The following GAL3ST2 variants were observed in gnomAD, a reference collection of about 807,000 sequenced individuals.
The protein encoded by GAL3ST2 is galactose-3-O-sulfotransferase 2.
A neutral mutation model predicts 12.9 loss-of-function variants in GAL3ST2; 16 were observed. That is an observed-to-expected ratio of 1.24 (90% CI 0.84 to 1.88). The LOEUF is 1.88. Among genes scored for constraint, GAL3ST2 ranks in the 40% most tolerant of loss-of-function variants. The pLI is 0.00. For missense variants in GAL3ST2, 639 were observed against 571.8 expected, an observed-to-expected ratio of 1.12 and a Z score of -1.20; for synonymous variants, 302 against 273.9, an observed-to-expected ratio of 1.10 and a Z score of -1.01.
intron 1 of GAL3ST2, among the ~76,000 whole-genome samples, chr2:241,785,774 A>G (rs1412434279): frequency 6.6e-6 from 1 of 152,100 alleles, no homozygotes; most frequent in Admixed American, 6.5e-5. Flanking sequence ...AAAAAACAAA[A>G]AACTTTTGCT....
chr2:241,799,138 T>G lies in GAL3ST2; in HGVS notation c.103T>G (p.Leu35Val), dbSNP rs749263868. 1.9e-6 allele frequency: 3 copies of G among 1,613,562 alleles called. No homozygotes were observed. Among genetic ancestry groups the G allele is most frequent in the Non-Finnish European group, 2.5e-6 (3 of 1,179,952 alleles). ...GCTGGCCGGATTCCTGCACTCGGAC[T>G]TAGAGCTGGACACACCGTAAGTCCT... The part of the protein sequence containing the change: ...LLLAGFLHSD[L>V]ELDTPLFGGQ... The change falls in exon 2 of 4, where the codon TTA (leucine) becomes GTA (valine). Residue 35 changes from leucine (L) to valine (V), a missense_variant. Coordinates refer to ENST00000192314, the MANE Select transcript of GAL3ST2 (RefSeq NM_022134.3).
Position 241,793,976 on chromosome 2 carries a change from T to C in GAL3ST2, c.30-5089T>C, listed in dbSNP as rs1013933733. On this transcript the variant is annotated intron_variant, in intron 1 of 3. Transcript: ENST00000192314. The surrounding 1 kb of genome is among the most constrained non-coding windows in gnomAD (Gnocchi z 4.7). The stretch of plus-strand genomic sequence containing the variant: ...TTTGTTTATTTTTTGAGACAGAGAC[T>C]GGCTCTGTGACCCGGGCTAGAGTGT... 3.3e-5 allele frequency among the ~76,000 whole-genome samples: 5 copies of C among 152,198 alleles called. No homozygotes were observed. Among genetic ancestry groups the C allele is most frequent in the African/African-American group, 9.7e-5 (4 of 41,430 alleles).
At chr2:241,789,800 C>T (rs2125192558) in intron 1 of GAL3ST2, among the ~76,000 whole-genome samples, 1 of 151,992 alleles carries the variant, frequency 6.6e-6, no homozygotes, top group African/African-American at 2.4e-5. Flanking sequence ...GCAGAGGTTT[C>T]AGTGTGCCGA....
intron 1 of GAL3ST2, among the ~76,000 whole-genome samples, chr2:241,789,122 A>G (rs1410127550): frequency 1.3e-5 from 2 of 152,200 alleles, no homozygotes; most frequent in Non-Finnish European, 2.9e-5. Context: ...TAGAGTTCTT[A>G]CGTCCCCTTT....
At chr2:241,789,342 T>A (rs1699669351) in intron 1 of GAL3ST2, among the ~76,000 whole-genome samples, 1 of 152,220 alleles carries the variant, frequency 6.6e-6, no homozygotes, top group African/African-American at 2.4e-5. Flanking sequence ...AAGGCCCTTA[T>A]AATAGACTTA....
At position 241,803,782 on chromosome 2, in the gene GAL3ST2, C is replaced by T; in HGVS notation, c.813C>T (p.Arg271=). Residue 271 remains arginine, a synonymous_variant, in exon 4 of 4, where the codon CGC becomes CGT. Coordinates refer to ENST00000192314, the MANE Select transcript of GAL3ST2 (RefSeq NM_022134.3). ...GCCTGTCGCCCGAGACCCGGGAGCG[C>T]GCGCGGAGCTGGTGCGCGCTGGACT... ...VARLSPETRE[R]ARSWCALDWR... is the part of the protein sequence containing the mutation. The T allele has an allele frequency of 6.6e-7, 1 of 1,505,288 alleles. No homozygotes were observed. The highest frequency in any genetic ancestry group is 8.8e-7 in the Non-Finnish European group (1 of 1,133,802). 93.2% of individuals were successfully genotyped at this position (1,505,288 alleles called of 1,614,324 possible).
intron 2 of GAL3ST2, 82 bp downstream of exon 2, chr2:241,799,236 C>G: frequency 8.4e-7 from 1 of 1,196,846 alleles, no homozygotes; most frequent in South Asian, 1.2e-5. Context: ...CCAGCATGAT[C>G]ACGCCCCCCA....
chr2:241,784,269 G>A (rs773826682), intron 1 of GAL3ST2, among the ~76,000 whole-genome samples: 1 of 152,010 alleles, frequency 6.6e-6, no homozygotes, highest in Non-Finnish European at 1.5e-5. Context: ...TCCTAACCTC[G>A]TGATCCACCT....
rs772267702 is a variant in GAL3ST2, at chr2:241,795,203, G to A, written c.30-3862G>A. The stretch of plus-strand genomic sequence containing the variant: ...TGGGTCCCCAGGTCACCCCCTTCCC[G>A]GTTGCTCCAACACTGACCACCCTAC... On this transcript the variant is annotated intron_variant, in intron 1 of 3. Coordinates refer to ENST00000192314, the MANE Select transcript of GAL3ST2 (RefSeq NM_022134.3). The surrounding 1 kb of genome is among the most constrained non-coding windows in gnomAD (Gnocchi z 4.5). Among the ~76,000 whole-genome samples, 2 of 152,034 alleles carry A rather than the reference G, an allele frequency of 1.3e-5. No individual in the cohort carries two copies.
At position 241,802,048 on chromosome 2, in the gene GAL3ST2, C is replaced by T. The variant is rs1444362863; in HGVS notation, c.375+12C>T. On this transcript the variant is annotated intron_variant, in intron 3 of 3. Transcript: ENST00000192314. The surrounding 1 kb of genome is among the most constrained non-coding windows in gnomAD (Gnocchi z 4.8). ...TCAACCTGCCTCAGGTACCGCGGGC[C>T]TGCTGGGGAGGAGGGCGGGCTGCAG... 1 of 1,602,438 alleles carries T rather than the reference C, an allele frequency of 6.2e-7. No homozygotes were observed. Among genetic ancestry groups the T allele is most frequent in the Admixed American group, 1.7e-5 (1 of 58,524 alleles).
chr2:241,788,477 T>G lies in GAL3ST2; in HGVS notation c.30-10588T>G, dbSNP rs1699654033. Among the ~76,000 whole-genome samples the G allele has an allele frequency of 2.6e-5, 4 of 152,338 alleles. No homozygotes were observed. In the South Asian group the frequency reaches 8.3e-4, roughly 32 times the overall value. On this transcript the variant is annotated intron_variant, in intron 1 of 3. Coordinates refer to ENST00000192314, the MANE Select transcript of GAL3ST2 (RefSeq NM_022134.3). ...ATTCTAAAGGGTCTTCTTTATTGCT[T>G]TTCTCCCAACATTAATCTCAGTTTG...
At chr2:241,778,688 G>C (rs961189401) in intron 1 of GAL3ST2, among the ~76,000 whole-genome samples, 3 of 152,134 alleles carry the variant, frequency 2.0e-5, no homozygotes, top group African/African-American at 7.2e-5. Flanking sequence ...AGCCTCAGGA[G>C]GTCCTGATGA....
chr2:241,801,359 TG>T lies in GAL3ST2; in HGVS notation c.120-421del. ...TGCCACATTTTCTTTACGGTCTCTA[TG>T]TAACATTCACACCCGGCAGCTGCTG... On this transcript the variant is annotated intron_variant, in intron 2 of 3. Coordinates refer to ENST00000192314, the MANE Select transcript of GAL3ST2 (RefSeq NM_022134.3). This position sits in a 1 kb window ranked among gnomAD's most constrained non-coding sequence, Gnocchi z 4.4. The T allele has an allele frequency of 1.0e-5, 2 of 197,454 alleles. No individual in the cohort carries two copies. Among genetic ancestry groups the T allele is most frequent in the Admixed American group, 5.6e-5 (1 of 17,708 alleles). The allele number at this position is 197,454 out of a possible 1,614,324, so 12.2% of individuals were successfully genotyped here. A position where few individuals can be genotyped will look rare whatever the true frequency, so the allele number is the denominator to read the frequency against.
At chr2:241,786,235 G>GATAA (rs1482670733) in intron 1 of GAL3ST2, among the ~76,000 whole-genome samples, 2 of 151,380 alleles carry the variant, frequency 1.3e-5, no homozygotes, top group Non-Finnish European at 2.9e-5. Context: ...CTTCAGATTT[G>GATAA]ATAAAGTTGG....
At chr2:241,785,090 A>G (rs1385402867) in intron 1 of GAL3ST2, among the ~76,000 whole-genome samples, 1 of 152,014 alleles carries the variant, frequency 6.6e-6, no homozygotes, top group Non-Finnish European at 1.5e-5. Context: ...GAGAATTATT[A>G]TGAGGCTGGA....
At position 241,793,775 on chromosome 2, in the gene GAL3ST2, TTA is replaced by T. The variant is rs1480131733; in HGVS notation, c.30-5288_30-5287del. On this transcript the variant is annotated intron_variant, in intron 1 of 3. Coordinates refer to ENST00000192314, the MANE Select transcript of GAL3ST2 (RefSeq NM_022134.3). This position sits in a 1 kb window ranked among gnomAD's most constrained non-coding sequence, Gnocchi z 4.7. ...GTGTATTGTGTATGTGTAGTGTGTA[TTA>T]TTTGTGTGTGTGTGTATTGTGTGTG... Among the ~76,000 whole-genome samples, 1 of 151,578 alleles carries T rather than the reference TTA, an allele frequency of 6.6e-6. No homozygotes were observed. Among genetic ancestry groups the T allele is most frequent in the African/African-American group, 2.4e-5 (1 of 41,174 alleles).
At position 241,802,339 on chromosome 2, in the gene GAL3ST2, C is replaced by T. The variant is rs1347729593; in HGVS notation, c.375+303C>T. Among the ~76,000 whole-genome samples, 5 of 152,222 alleles carry T rather than the reference C, an allele frequency of 3.3e-5. No individual in the cohort carries two copies. The highest frequency in any genetic ancestry group is 7.3e-5 in the Non-Finnish European group (5 of 68,038). On this transcript the variant is annotated intron_variant, in intron 3 of 3. Coordinates refer to ENST00000192314, the MANE Select transcript of GAL3ST2 (RefSeq NM_022134.3). This position sits in a 1 kb window ranked among gnomAD's most constrained non-coding sequence, Gnocchi z 4.8. Reference sequence around the variant, plus strand: ...AGTTGTGCACAGGCCCGGCTCTCCCCACCCTGTGACCTTCGCTTCTGTGGC... The same window carrying T: ...AGTTGTGCACAGGCCCGGCTCTCCCTACCCTGTGACCTTCGCTTCTGTGGC...
intron 1 of GAL3ST2, among the ~76,000 whole-genome samples, chr2:241,778,665 G>A (rs572792111): frequency 3.3e-5 from 5 of 152,240 alleles, no homozygotes; most frequent in Non-Finnish European, 5.9e-5. Context: ...GTGAGGACGT[G>A]CACCCATGAC....
rs1437354108 is a variant in GAL3ST2 at position 241,803,452 on chromosome 2, C to A, written c.483C>A (p.Phe161Leu). The change falls in exon 4 of 4, where the codon TTC becomes TTA. Residue 161 changes from phenylalanine to leucine, a missense_variant. Phe to Leu is a conservative substitution (Grantham distance 22). Transcript: ENST00000192314. Reference protein sequence around the residue: ...FIYYKTYAPAFRGAPSLDAFL... With the variant: ...FIYYKTYAPALRGAPSLDAFL... Reference sequence around the variant, plus strand: ...ACTACAAAACCTACGCCCCCGCCTTCCGGGGCGCCCCGAGCCTGGACGCGT... The same window carrying A: ...ACTACAAAACCTACGCCCCCGCCTTACGGGGCGCCCCGAGCCTGGACGCGT... 24 of 1,611,748 alleles carry A rather than the reference C, an allele frequency of 1.5e-5. No homozygotes were observed. The highest frequency in any genetic ancestry group is 1.8e-5 in the Non-Finnish European group (21 of 1,179,424).
Sources: allele counts gnomAD v4.1 joint callset (sites outside exome capture counted in the v4.1 genomes callset), GRCh38; gene constraint gnomAD v4.1.1; non-coding constraint Gnocchi (gnomAD v3.1); transcripts MANE v1.5; gene names NCBI Gene and HGNC (gene_info 2026-07-23, HGNC 2026-07-21).